The following SRP54 variants were observed in gnomAD, a reference collection of about 807,000 sequenced individuals.
SRP54 encodes the protein signal recognition particle subunit SRP54.
SRP54 carries 10 observed loss-of-function variants against 64.8 expected under a neutral mutation model. That is an observed-to-expected ratio of 0.15 (90% CI 0.10 to 0.26). SRP54 has a LOEUF of 0.26. Among genes scored for constraint, SRP54 ranks in the 10% least tolerant of loss-of-function variants. The pLI, the probability that SRP54 is intolerant of heterozygous loss-of-function variation, is 1.00. For missense variants in SRP54, 325 were observed against 613.7 expected (o/e 0.53, Z 4.97); for synonymous variants, 193 against 185.6 (o/e 1.04, Z -0.32).
rs540382685 is a variant in SRP54 at position 35,019,172 on chromosome 14, A to G, written c.1156+98A>G. On this transcript the variant is annotated intron_variant, in intron 13 of 15. Transcript: ENST00000216774. ...TTGTGGACAAGATGGGGAGAAATTTAGCCTGAAAGATTATTTTTAGGTAGA... is the reference window on the plus strand; with the variant it reads ...TTGTGGACAAGATGGGGAGAAATTTGGCCTGAAAGATTATTTTTAGGTAGA... The G allele has an allele frequency of 3.8e-6, 3 of 782,928 alleles. No individual in the cohort carries two copies. The African/African-American group carries it at 5.2e-5, about 14-fold the overall frequency. 48.5% of individuals were successfully genotyped at this position (782,928 alleles called of 1,614,324 possible).
At chr14:34,998,016 C>T (rs558919338) in intron 2 of SRP54, among the ~76,000 whole-genome samples, 21 of 151,970 alleles carry the variant, frequency 1.4e-4, no homozygotes, top group Non-Finnish European at 2.8e-4. Flanking sequence ...TTGGCAGCTT[C>T]TCTGTTCTTG....
At chr14:35,013,683 A>G in intron 9 of SRP54, 119 bp from the exon 10 acceptor site, 1 of 1,110,510 alleles carries the variant, frequency 9.0e-7, no homozygotes, top group Non-Finnish European at 1.3e-6. Context: ...GTGAAATGAA[A>G]CTTGAGTTTT....
chr14:35,020,805 C>T (rs555144217), intron 13 of SRP54, among the ~76,000 whole-genome samples: 1 of 152,186 alleles, frequency 6.6e-6, no homozygotes, highest in Non-Finnish European at 1.5e-5. Context: ...ATCATCATAA[C>T]AACTCCTATG....
At chr14:35,020,913 C>A (rs1164656011) in intron 13 of SRP54, among the ~76,000 whole-genome samples, 1 of 152,204 alleles carries the variant, frequency 6.6e-6, no homozygotes, top group Non-Finnish European at 1.5e-5. Flanking sequence ...GACTTCCTTC[C>A]TTCTTTGAAT....
chr14:35,025,841 G>A (rs1235263131), intron 14 of SRP54, among the ~76,000 whole-genome samples: 2 of 152,090 alleles, frequency 1.3e-5, no homozygotes, highest in Non-Finnish European at 2.9e-5. Context: ...GAGGAGCTTT[G>A]AGTCCCATAT....
At chr14:35,010,142 C>T (rs759765337) in intron 7 of SRP54, among the ~76,000 whole-genome samples, 167 of 150,284 alleles carry the variant, frequency 1.1e-3, no homozygotes, top group Non-Finnish European at 2.2e-3. Flanking sequence ...AGCTAGACAC[C>T]GTTTAAAAAA....
intron 6 of SRP54, 26 bp downstream of exon 6, chr14:35,008,719 T>C: frequency 6.2e-7 from 1 of 1,604,020 alleles, no homozygotes; most frequent in Non-Finnish European, 8.5e-7. Context: ...TTGAAAATTG[T>C]TTTATATAAT....
chr14:35,014,662 T>A, intron 10 of SRP54, 82 bp from the exon 11 acceptor site: 1 of 1,047,190 alleles, frequency 9.5e-7, no homozygotes, highest in Non-Finnish European at 1.5e-6. Flanking sequence ...CTCACAAGGT[T>A]ATTATGTATG....
chr14:35,006,578 G>A (rs1438272630), intron 4 of SRP54, among the ~76,000 whole-genome samples: 2 of 145,834 alleles, frequency 1.4e-5, no homozygotes, highest in African/African-American at 2.5e-5. Flanking sequence ...ACTAAAATTA[G>A]TATCACCTGT....
intron 4 of SRP54, among the ~76,000 whole-genome samples, chr14:35,005,590 C>T (rs535733031): frequency 3.0e-4 from 45 of 151,942 alleles, no homozygotes; most frequent in African/African-American, 9.2e-4. Flanking sequence ...GAGACAAGAT[C>T]TTGCTATGCT....
At chr14:34,986,202 G>T (rs2138955307) in intron 1 of SRP54, among the ~76,000 whole-genome samples, 1 of 152,150 alleles carries the variant, frequency 6.6e-6, no homozygotes, top group East Asian at 1.9e-4. Context: ...CATAAAATGA[G>T]TTTTAAAATT....
At chr14:34,997,282 C>T (rs1465275331) in intron 2 of SRP54, among the ~76,000 whole-genome samples, 1 of 152,040 alleles carries the variant, frequency 6.6e-6, no homozygotes, top group Non-Finnish European at 1.5e-5. Context: ...TAAGCCACTC[C>T]TTAGATGATA....
At chr14:34,986,257 T>C (rs1258763421) in intron 1 of SRP54, among the ~76,000 whole-genome samples, 2 of 152,250 alleles carry the variant, frequency 1.3e-5, no homozygotes, top group African/African-American at 2.4e-5. Flanking sequence ...TTGATACTTC[T>C]TGATATAATT....
At chr14:34,999,755 C>CA in intron 3 of SRP54, 106 bp downstream of exon 3, 1 of 774,312 alleles carries the variant, frequency 1.3e-6, no homozygotes, top group Non-Finnish European at 2.2e-6. Flanking sequence ...TTCTGCTCTG[C>CA]ACCACTGGAA....
chr14:35,007,076 C>T (rs1228030547), intron 4 of SRP54, among the ~76,000 whole-genome samples: 1 of 151,710 alleles, frequency 6.6e-6, no homozygotes, highest in African/African-American at 2.4e-5. Flanking sequence ...GCCTGTAGTC[C>T]CAGTTACTTG....
intron 10 of SRP54, among the ~76,000 whole-genome samples, chr14:35,014,290 T>TTTTTTTTTTTTTTTGTTTTTG: frequency 7.9e-6 from 1 of 127,352 alleles, no homozygotes; most frequent in East Asian, 2.7e-4. Flanking sequence ...TTTTTTTTTT[T>TTTTTTTTTTTTTTTGTTTTTG]TTTTGAGACG....
At position 35,013,472 on chromosome 14, in the gene SRP54, A is replaced by G; in HGVS notation, c.763A>G (p.Lys255Glu). The G allele has an allele frequency of 6.2e-7, 1 of 1,614,178 alleles. No homozygotes were observed. The highest frequency in any genetic ancestry group is 8.5e-7 in the Non-Finnish European group (1 of 1,180,018). Residue 255 changes from lysine to glutamate, a missense_variant, in exon 9 of 16, where the codon AAA becomes GAA. Physicochemically the swap from Lys to Glu is moderately conservative, Grantham distance 56. Around this residue, in one of 3 missense-constraint regions of SRP54, gnomAD observed 146 missense variants for 337.4 expected, o/e 0.43. Coordinates refer to ENST00000216774, the MANE Select transcript of SRP54 (RefSeq NM_003136.4). ...VIVTKLDGHAKGGGALSAVAA... is the reference protein window; with the variant it reads ...VIVTKLDGHAEGGGALSAVAA... ...AGTGACAAAACTTGATGGCCATGCAAAAGGAGGTGGTGCACTCAGTGCGTA... is the reference window on the plus strand; with the variant it reads ...AGTGACAAAACTTGATGGCCATGCAGAAGGAGGTGGTGCACTCAGTGCGTA...
intron 2 of SRP54, among the ~76,000 whole-genome samples, chr14:34,997,789 C>G (rs1411047776): frequency 6.6e-6 from 1 of 151,916 alleles, no homozygotes; most frequent in East Asian, 1.9e-4. Flanking sequence ...CCTTTTTTTC[C>G]TAGTTCCTCA....
intron 14 of SRP54, 107 bp from the exon 15 acceptor site, chr14:35,027,980 AT>A (rs1359769491): frequency 1.1e-5 from 6 of 553,724 alleles, no homozygotes; most frequent in Admixed American, 6.5e-5. Flanking sequence ...GGATTATGTA[AT>A]TTTTTCTTAG....
Sources: allele counts gnomAD v4.1 joint callset (sites outside exome capture counted in the v4.1 genomes callset), GRCh38; gene constraint gnomAD v4.1.1; regional missense constraint gnomAD v4.1.1; transcripts MANE v1.5; gene names NCBI Gene and HGNC (gene_info 2026-07-23, HGNC 2026-07-21).